Variants in LRRC4C observed in about 807,000 individuals in gnomAD.
The protein encoded by LRRC4C is leucine rich repeat containing 4C, also known as leucine-rich repeat-containing protein 4C.
LRRC4C carries 5 observed loss-of-function variants against 33.6 expected under a neutral mutation model. The ratio of observed to expected loss-of-function variants is 0.15; its 90% CI spans 0.08 to 0.31. LRRC4C has a LOEUF of 0.31. Among genes scored for constraint, LRRC4C ranks in the 10% least tolerant of loss-of-function variants. The pLI, the probability that LRRC4C is intolerant of heterozygous loss-of-function variation, is 1.00. For synonymous variants in LRRC4C, 329 were observed against 302.0 expected, an observed-to-expected ratio of 1.09 and a Z score of -0.93; for missense variants, 560 against 796.7, an observed-to-expected ratio of 0.70 and a Z score of 3.58.
At chr11:40,638,001 C>A (rs1941864157) in intron 3 of LRRC4C, among the ~76,000 whole-genome samples, 1 of 152,166 alleles carries the variant, frequency 6.6e-6, no homozygotes, top group South Asian at 2.1e-4. Context: ...AAGGTTTTCT[C>A]CCATATGTTT....
At chr11:40,270,496 C>A (rs1014155113) in intron 4 of LRRC4C, among the ~76,000 whole-genome samples, 2 of 152,068 alleles carry the variant, frequency 1.3e-5, no homozygotes, top group Admixed American at 6.6e-5. Context: ...AAGATGTTAT[C>A]TGTAAATATG....
intron 5 of LRRC4C, among the ~76,000 whole-genome samples, chr11:40,225,994 A>G (rs971043404): frequency 6.6e-6 from 1 of 152,196 alleles, no homozygotes; most frequent in African/African-American, 2.4e-5. Flanking sequence ...GAGAGACTAC[A>G]TAGATATGTG....
chr11:41,367,294 C>G (rs985309033), intron 1 of LRRC4C, among the ~76,000 whole-genome samples: 7 of 152,068 alleles, frequency 4.6e-5, no homozygotes. Context: ...GTATCCAAAC[C>G]TGGATGGAAA....
intron 3 of LRRC4C, among the ~76,000 whole-genome samples, chr11:40,336,252 T>G (rs2136971725): frequency 6.6e-6 from 1 of 152,300 alleles, no homozygotes; most frequent in Admixed American, 6.5e-5. Flanking sequence ...ACCGCGGAAC[T>G]GCATATCCCA....
chr11:40,494,788 T>C (rs1025382026), intron 3 of LRRC4C, among the ~76,000 whole-genome samples: 5 of 152,198 alleles, frequency 3.3e-5, no homozygotes, highest in African/African-American at 1.2e-4. Flanking sequence ...TACACAGCTT[T>C]TTTACTTGGA....
At chr11:41,458,420 A>G (rs770807078) in intron 1 of LRRC4C, among the ~76,000 whole-genome samples, 1 of 152,152 alleles carries the variant, frequency 6.6e-6, no homozygotes, top group Non-Finnish European at 1.5e-5. Flanking sequence ...CAGAGATAAA[A>G]ATACTAAAAG....
chr11:40,968,552 T>G (rs2136958972), intron 1 of LRRC4C, among the ~76,000 whole-genome samples: 1 of 152,212 alleles, frequency 6.6e-6, no homozygotes, highest in East Asian at 1.9e-4. Context: ...GCAGTCTGAC[T>G]CTCCTATTAG....
chr11:40,251,849 A>AAC (rs1295292266), intron 4 of LRRC4C, among the ~76,000 whole-genome samples: 15 of 152,218 alleles, frequency 9.9e-5, no homozygotes, highest in Admixed American at 2.0e-4. Context: ...CACAGCAAAG[A>AAC]ACACATGTTC....
chr11:41,350,367 G>A (rs549549991), intron 1 of LRRC4C, among the ~76,000 whole-genome samples: 7 of 151,968 alleles, frequency 4.6e-5, no homozygotes, highest in South Asian at 2.1e-4. Flanking sequence ...AAAATTAGCC[G>A]GGCGTTGTGG....
At chr11:40,626,907 A>G (rs530732132) in intron 3 of LRRC4C, among the ~76,000 whole-genome samples, 6 of 152,248 alleles carry the variant, frequency 3.9e-5, no homozygotes, top group African/African-American at 1.2e-4. Context: ...TTTGCAAATG[A>G]TAATCCAGAT....
At chr11:40,948,473 C>T (rs1383793338) in intron 1 of LRRC4C, among the ~76,000 whole-genome samples, 50 of 149,280 alleles carry the variant, frequency 3.3e-4, no homozygotes, top group Admixed American at 3.0e-3. Flanking sequence ...CCCACTAACT[C>T]GTCATCTAGC....
At chr11:40,838,856 A>G (rs1282959622) in intron 2 of LRRC4C, among the ~76,000 whole-genome samples, 1 of 152,090 alleles carries the variant, frequency 6.6e-6, no homozygotes, top group Non-Finnish European at 1.5e-5. Flanking sequence ...ATTATTATAG[A>G]AGAATAAATC....
intron 1 of LRRC4C, among the ~76,000 whole-genome samples, chr11:41,137,268 G>T (rs1185417922): frequency 1.3e-5 from 2 of 152,016 alleles, no homozygotes; most frequent in East Asian, 1.9e-4. Context: ...AAAAAAAAGT[G>T]CCCTTTAGAG....
At chr11:40,697,179 G>A (rs1945608000) in intron 2 of LRRC4C, among the ~76,000 whole-genome samples, 1 of 151,914 alleles carries the variant, frequency 6.6e-6, no homozygotes, top group African/African-American at 2.4e-5. Context: ...TTGTTCATGG[G>A]GTCCTTCGTT....
At chr11:40,686,783 A>G (rs535238910) in intron 2 of LRRC4C, among the ~76,000 whole-genome samples, 16 of 152,276 alleles carry the variant, frequency 1.1e-4, no homozygotes, top group African/African-American at 3.4e-4. Context: ...TAACCATATT[A>G]TAGGGTACAT....
intron 3 of LRRC4C, among the ~76,000 whole-genome samples, chr11:40,546,569 A>G (rs1030990125): frequency 6.6e-6 from 1 of 152,076 alleles, no homozygotes; most frequent in African/African-American, 2.4e-5. Flanking sequence ...TGCAGATGAA[A>G]AAATTTGAAT....
intron 2 of LRRC4C, among the ~76,000 whole-genome samples, chr11:40,909,846 G>A (rs1956587921): frequency 6.6e-6 from 1 of 152,066 alleles, no homozygotes. Context: ...TTAATGCTTT[G>A]CCTAAATTCA....
intron 2 of LRRC4C, among the ~76,000 whole-genome samples, chr11:40,830,389 G>A (rs921733644): frequency 1.3e-5 from 2 of 151,974 alleles, no homozygotes; most frequent in African/African-American, 2.4e-5. Context: ...TGTTCCTGAC[G>A]TCCAAAGCCC....
intron 1 of LRRC4C, among the ~76,000 whole-genome samples, chr11:41,223,455 A>T (rs187858914): frequency 9.2e-5 from 14 of 152,310 alleles, no homozygotes; most frequent in Admixed American, 7.9e-4. Flanking sequence ...TTATTTATTC[A>T]TTCATTCATC....
Sources: gnomAD v4.1 joint callset for allele counts (sites outside exome capture counted in the v4.1 genomes callset) on GRCh38, gnomAD v4.1.1 for gene constraint, MANE v1.5 for transcripts, NCBI Gene and HGNC (gene_info 2026-07-23, HGNC 2026-07-21) for gene names.